Variants in NOX4 observed in about 807,000 individuals in gnomAD.
NOX4 encodes NADPH oxidase 4.
Under a neutral mutation model 87.6 loss-of-function variants are expected in NOX4, and 69 were observed. The ratio of observed to expected loss-of-function variants is 0.79; its 90% CI spans 0.65 to 0.96. The LOEUF (loss-of-function observed/expected upper bound fraction) is 0.96, where lower values mean the gene tolerates loss of function less well. Ranked by LOEUF, NOX4 falls within the 40% of genes least tolerant of loss-of-function variation. NOX4 has a pLI of 0.00. For synonymous variants in NOX4, 275 were observed against 238.2 expected, an observed-to-expected ratio of 1.15 and a Z score of -1.42; for missense variants, 680 against 681.5, an observed-to-expected ratio of 1.00 and a Z score of 0.02.
At chr11:89,575,601 CT>C in the NOX4 span, among the ~76,000 whole-genome samples, 1 of 152,080 alleles carries the variant, frequency 6.6e-6, no homozygotes. Flanking sequence ...ATAATATAAC[CT>C]CTTCTCCCAC....
At chr11:89,329,355 T>A (rs1407001131) in intron 17 of NOX4, among the ~76,000 whole-genome samples, 2,073 of 27,156 alleles carry the variant, frequency 0.076, no homozygotes, top group African/African-American at 0.096. Flanking sequence ...AGAAAAAAAC[T>A]GAAAAAAAAA....
chr11:89,474,407 T>G (rs1381807838), intron 2 of NOX4, among the ~76,000 whole-genome samples: 1 of 149,788 alleles, frequency 6.7e-6, no homozygotes, highest in Non-Finnish European at 1.5e-5. Context: ...CTTTTCTAAT[T>G]GTACAAGTAA....
At chr11:89,432,180 A>G (rs1943829776) in intron 7 of NOX4, among the ~76,000 whole-genome samples, 2 of 151,974 alleles carry the variant, frequency 1.3e-5, no homozygotes, top group Non-Finnish European at 2.9e-5. Flanking sequence ...GAAGGGGAAC[A>G]TCACACACCG....
chr11:89,418,020 A>C (rs1942874789), intron 8 of NOX4, among the ~76,000 whole-genome samples: 1 of 152,068 alleles, frequency 6.6e-6, no homozygotes, highest in African/African-American at 2.4e-5. Flanking sequence ...GTGTACATGA[A>C]ATGTCATCTT....
chr11:89,490,703 CT>C, intron 1 of NOX4, 150 bp from the exon 2 acceptor site: 1 of 713,418 alleles, frequency 1.4e-6, no homozygotes, highest in Non-Finnish European at 2.5e-6. Flanking sequence ...AACCAGCAAG[CT>C]GAAAACCACT....
chr11:89,463,526 C>T (rs112437312), intron 2 of NOX4, among the ~76,000 whole-genome samples: 2,059 of 152,048 alleles, frequency 0.014, 48 homozygotes, highest in African/African-American at 0.047. Flanking sequence ...AAGACAGATG[C>T]TTTTCTTATC....
At chr11:89,431,525 C>A (rs1943782225) in intron 7 of NOX4, among the ~76,000 whole-genome samples, 2 of 152,028 alleles carry the variant, frequency 1.3e-5, no homozygotes, top group African/African-American at 4.8e-5. Flanking sequence ...ACAACCCCAT[C>A]AAAAAGTAGG....
the NOX4 span, among the ~76,000 whole-genome samples, chr11:89,585,071 T>C: frequency 6.6e-6 from 1 of 152,138 alleles, no homozygotes; most frequent in African/African-American, 2.4e-5. Context: ...GAATTTTGTA[T>C]TGTCAGGTAT....
intron 2 of NOX4, among the ~76,000 whole-genome samples, chr11:89,482,462 T>G (rs189855776): frequency 3.9e-4 from 59 of 152,088 alleles, no homozygotes; most frequent in Non-Finnish European, 1.6e-4. Flanking sequence ...ACTGGTGCCC[T>G]TATAAGAAGA....
At chr11:89,519,091 G>A in the NOX4 span, among the ~76,000 whole-genome samples, 1 of 151,982 alleles carries the variant, frequency 6.6e-6, no homozygotes. Flanking sequence ...AACACCACCT[G>A]TAAAGTCTTC....
chr11:89,379,081 T>C (rs545472439), intron 11 of NOX4, among the ~76,000 whole-genome samples: 18 of 152,134 alleles, frequency 1.2e-4, no homozygotes, highest in Non-Finnish European at 2.6e-4. Flanking sequence ...TCAGGTCCCT[T>C]AGGCAAACAG....
upstream of NOX4, chr11:89,491,384 G>C (rs1382560002): frequency 1.3e-6 from 1 of 786,314 alleles, no homozygotes; most frequent in Non-Finnish European, 1.9e-6. Flanking sequence ...GTGGAAGCCC[G>C]AAGGCCCGGC....
intron 12 of NOX4, among the ~76,000 whole-genome samples, chr11:89,355,772 C>A (rs2134979481): frequency 6.6e-6 from 1 of 152,190 alleles, no homozygotes; most frequent in Admixed American, 6.6e-5. Context: ...TTTACTTTTG[C>A]AAAGTCTGTG....
At chr11:89,569,736 G>T in the NOX4 span, among the ~76,000 whole-genome samples, 3 of 152,134 alleles carry the variant, frequency 2.0e-5, no homozygotes, top group African/African-American at 7.2e-5. Flanking sequence ...GGGTGCAGTG[G>T]CTCACACCTG....
At chr11:89,442,988 G>A (rs978553341) in intron 5 of NOX4, among the ~76,000 whole-genome samples, 6 of 152,140 alleles carry the variant, frequency 3.9e-5, no homozygotes, top group African/African-American at 1.4e-4. Flanking sequence ...ATGGGCAGAA[G>A]TGGAGGCTGG....
intron 17 of NOX4, among the ~76,000 whole-genome samples, chr11:89,329,356 G>GAAAAAAAAAAAAAAAAAAAACAA (rs377055666): frequency 2.9e-5 from 1 of 34,720 alleles, no homozygotes; most frequent in Non-Finnish European, 5.3e-5. Flanking sequence ...GAAAAAAACT[G>GAAAAAAAAAAAAAAAAAAAACAA]AAAAAAAAAA....
At position 89,491,171 on chromosome 11, in the gene NOX4, G is replaced by T. The variant is rs761200529; in HGVS notation, c.57+19C>A. 1 of 1,612,042 alleles carries T rather than the reference G, an allele frequency of 6.2e-7. No homozygotes were observed. Among genetic ancestry groups the T allele is most frequent in the Non-Finnish European group, 8.5e-7 (1 of 1,178,580 alleles). ...GCAGGACAGAGAGAACGCAAGGAGAGCCTAGCCCGCCATCCTACCAGGCAG... is the reference window on the plus strand; with the variant it reads ...GCAGGACAGAGAGAACGCAAGGAGATCCTAGCCCGCCATCCTACCAGGCAG... On this transcript the variant is annotated intron_variant, in intron 1 of 17. Coordinates refer to ENST00000263317, the MANE Select transcript of NOX4 (RefSeq NM_016931.5).
intron 7 of NOX4, among the ~76,000 whole-genome samples, chr11:89,422,533 A>G (rs1191780658): frequency 6.6e-6 from 1 of 152,312 alleles, no homozygotes; most frequent in African/African-American, 2.4e-5. Flanking sequence ...AATGATAAGC[A>G]TAATCTACAG....
chr11:89,520,806 C>A, the NOX4 span, among the ~76,000 whole-genome samples: 1 of 152,126 alleles, frequency 6.6e-6, no homozygotes, highest in Non-Finnish European at 1.5e-5. Flanking sequence ...AAAGGCTATG[C>A]CAAAAGGCTC....
Sources: gnomAD v4.1 joint callset for allele counts (sites outside exome capture counted in the v4.1 genomes callset) on GRCh38, gnomAD v4.1.1 for gene constraint, MANE v1.5 for transcripts, NCBI Gene and HGNC (gene_info 2026-07-23, HGNC 2026-07-21) for gene names.